The following DENND1B variants were observed in gnomAD, a reference collection of about 807,000 sequenced individuals.
The protein encoded by DENND1B is DENN domain-containing protein 1B.
In DENND1B, 59 loss-of-function variants were observed where a neutral mutation model predicts 90.1. The ratio of observed to expected loss-of-function variants is 0.65; its 90% CI spans 0.53 to 0.81. The LOEUF (loss-of-function observed/expected upper bound fraction) is 0.81. DENND1B is among the 40% of genes least tolerant of loss of function. DENND1B has a pLI of 0.00. For missense variants in DENND1B, 862 were observed against 912.6 expected, an observed-to-expected ratio of 0.94 and a Z score of 0.71; for synonymous variants, 337 against 324.6, an observed-to-expected ratio of 1.04 and a Z score of -0.41.
chr1:197,722,506 T>C (rs1282230693), intron 2 of DENND1B, among the ~76,000 whole-genome samples: 1 of 152,138 alleles, frequency 6.6e-6, no homozygotes, highest in African/African-American at 2.4e-5. Context: ...TAGTTATCTA[T>C]AGGAAGACAT....
In DENND1B at chr1:197,508,842, T is replaced by C. The variant is rs550899052; in HGVS notation, c.*1618A>G. 3 of 151,868 alleles carry C rather than the reference T, an allele frequency of 2.0e-5. No individual in the cohort carries two copies. Among genetic ancestry groups the C allele is most frequent in the South Asian group, 2.1e-4 (1 of 4,828 alleles). The allele number at this position is 151,868 out of a possible 1,614,324, so 9.4% of individuals were successfully genotyped here. A position where few individuals can be genotyped will look rare whatever the true frequency, so the allele number is the denominator to read the frequency against. ...GTAATCTAGTCTATCATGAAGTAATTAGTACATGATTCCTTCTCAGATGAA... is the reference window on the plus strand; with the variant it reads ...GTAATCTAGTCTATCATGAAGTAATCAGTACATGATTCCTTCTCAGATGAA... On this transcript the variant is annotated 3_prime_UTR_variant, in exon 23 of 23. Coordinates refer to ENST00000620048, the MANE Select transcript of DENND1B (RefSeq NM_001195215.2).
chr1:197,727,977 T>TG (rs1481106979), intron 2 of DENND1B, among the ~76,000 whole-genome samples: 2 of 151,176 alleles, frequency 1.3e-5, no homozygotes, highest in African/African-American at 4.9e-5. Flanking sequence ...TGAAGAGCTG[T>TG]GAAAAAAAAA....
Position 197,674,019 on chromosome 1 carries a change from AAAGAG to A in DENND1B, c.176+96_176+100del, listed in dbSNP as rs1434122857. On this transcript the variant is annotated intron_variant, in intron 4 of 22. Transcript: ENST00000620048. ...CTCTAGCCTTTTTGTGAGAAGCAAT[AAAGAG>A]AAGGGACATTTTATTTTATAAAAAA... is the stretch of plus-strand genomic sequence containing the variant. The A allele has an allele frequency of 1.2e-5, 10 of 848,780 alleles. No individual in the cohort carries two copies. In the African/African-American group the frequency reaches 1.6e-4, roughly 13 times the overall value. 52.6% of individuals were successfully genotyped at this position (848,780 alleles called of 1,614,324 possible).
intron 8 of DENND1B, among the ~76,000 whole-genome samples, chr1:197,646,121 T>C (rs1025842099): frequency 2.0e-5 from 3 of 151,886 alleles, no homozygotes; most frequent in Non-Finnish European, 4.4e-5. Flanking sequence ...TATAAACATA[T>C]ATATTATTAA....
chr1:197,527,312 G>GTTTTTTTTTTT (rs148417732), intron 20 of DENND1B, among the ~76,000 whole-genome samples: 9 of 140,932 alleles, frequency 6.4e-5, no homozygotes, highest in Non-Finnish European at 9.2e-5. Context: ...GTTTTTTTTT[G>GTTTTTTTTTTT]TTTTTGTTTT....
At chr1:197,674,078 T>C (rs1181096007) in intron 4 of DENND1B, 42 bp downstream of exon 4, 1 of 1,356,898 alleles carries the variant, frequency 7.4e-7, no homozygotes, top group African/African-American at 1.5e-5. Context: ...AAGTATGTAC[T>C]ATAAGAATCT....
chr1:197,588,187 GAATT>G (rs1477638492), intron 14 of DENND1B, among the ~76,000 whole-genome samples: 2 of 152,142 alleles, frequency 1.3e-5, no homozygotes, highest in African/African-American at 4.8e-5. Context: ...GTTACTATAT[GAATT>G]ATTTATATAG....
chr1:197,763,561 CAG>C (rs1391905819), intron 2 of DENND1B, among the ~76,000 whole-genome samples: 4 of 152,212 alleles, frequency 2.6e-5, no homozygotes, highest in Non-Finnish European at 4.4e-5. Context: ...TACACTGTAG[CAG>C]AGAGATTCTT....
chr1:197,733,785 C>T (rs988435952), intron 2 of DENND1B, among the ~76,000 whole-genome samples: 1 of 152,114 alleles, frequency 6.6e-6, no homozygotes, highest in East Asian at 1.9e-4. Flanking sequence ...TTTGACCATA[C>T]GGTAAAACTT....
chr1:197,642,876 A>T (rs1680391172), intron 9 of DENND1B, 55 bp from the exon 10 acceptor site: 1 of 1,257,990 alleles, frequency 7.9e-7, no homozygotes, highest in Non-Finnish European at 1.1e-6. Context: ...ATGTGAAGAA[A>T]AACATTTTAC....
intron 2 of DENND1B, among the ~76,000 whole-genome samples, chr1:197,744,653 C>T (rs2477060): frequency 0.84 from 127,886 of 152,142 alleles, 53,995 homozygotes; most frequent in African/African-American, 0.92. Flanking sequence ...CCTGGGATTT[C>T]TGAATTGATA....
At chr1:197,595,396 C>A in intron 13 of DENND1B, 63 bp from the exon 14 acceptor site, 1 of 1,579,512 alleles carries the variant, frequency 6.3e-7, no homozygotes, top group Non-Finnish European at 8.6e-7. Context: ...AGGTAGGAAC[C>A]CAATCAGCAG....
intron 3 of DENND1B, among the ~76,000 whole-genome samples, chr1:197,706,214 T>A (rs1659518981): frequency 6.6e-6 from 1 of 152,188 alleles, no homozygotes; most frequent in African/African-American, 2.4e-5. Context: ...CTTATCCCAT[T>A]TATTTGAAGA....
chr1:197,518,265 T>C (rs1668539580), intron 20 of DENND1B, among the ~76,000 whole-genome samples: 1 of 151,942 alleles, frequency 6.6e-6, no homozygotes, highest in Non-Finnish European at 1.5e-5. Context: ...GCATCTTTCA[T>C]TGTCTTCAAC....
intron 2 of DENND1B, among the ~76,000 whole-genome samples, chr1:197,716,415 T>C (rs559375021): frequency 6.6e-6 from 1 of 151,564 alleles, no homozygotes; most frequent in African/African-American, 2.4e-5. Flanking sequence ...ATTAAATGAT[T>C]ATATCCTCAT....
intron 13 of DENND1B, among the ~76,000 whole-genome samples, chr1:197,598,235 G>A (rs1204988365): frequency 6.6e-6 from 1 of 151,674 alleles, no homozygotes; most frequent in Non-Finnish European, 1.5e-5. Context: ...TACTCTAGTG[G>A]GCTTCAATTG....
At chr1:197,702,496 A>G (rs951895018) in intron 3 of DENND1B, among the ~76,000 whole-genome samples, 1 of 152,204 alleles carries the variant, frequency 6.6e-6, no homozygotes, top group Non-Finnish European at 1.5e-5. Context: ...ATTATGTAGT[A>G]CATCTACTTG....
At chr1:197,646,009 C>CA (rs1000312560) in intron 8 of DENND1B, among the ~76,000 whole-genome samples, 7 of 150,878 alleles carry the variant, frequency 4.6e-5, no homozygotes, top group Admixed American at 3.3e-4. Context: ...AATGTTAAGG[C>CA]AAAAAAAGAG....
intron 11 of DENND1B, among the ~76,000 whole-genome samples, chr1:197,612,388 T>C (rs933194645): frequency 3.3e-5 from 5 of 150,578 alleles, no homozygotes; most frequent in African/African-American, 1.2e-4. Flanking sequence ...TCCTATTCAA[T>C]TAAATTCTTA....
Sources: gnomAD v4.1 joint callset for allele counts (sites outside exome capture counted in the v4.1 genomes callset) on GRCh38, gnomAD v4.1.1 for gene constraint, MANE v1.5 for transcripts, NCBI Gene and HGNC (gene_info 2026-07-23, HGNC 2026-07-21) for gene names.